Variants in AKAP13 observed in about 807,000 individuals in gnomAD.
AKAP13 encodes A-kinase anchor protein 13.
AKAP13 carries 80 observed loss-of-function variants against 264.5 expected under a neutral mutation model. The ratio of observed to expected loss-of-function variants is 0.30; its 90% CI spans 0.25 to 0.36. The LOEUF (loss-of-function observed/expected upper bound fraction) is 0.36, where lower values mean the gene tolerates loss of function less well. Among genes scored for constraint, AKAP13 ranks in the 10% least tolerant of loss-of-function variants. The probability of loss-of-function intolerance (pLI) is 1.00; values close to 1 mark genes in which losing one functional copy is unlikely to be tolerated. For missense variants in AKAP13, 3,712 were observed against 3,435.2 expected, an observed-to-expected ratio of 1.08 and a Z score of -2.01; for synonymous variants, 1,380 against 1,250.2, an observed-to-expected ratio of 1.10 and a Z score of -2.19.
intron 17 of AKAP13, 100 bp downstream of exon 17, chr15:85,693,551 A>G: frequency 6.5e-7 from 1 of 1,538,860 alleles, no homozygotes. Flanking sequence ...TTCCTCATTT[A>G]TGTGGAGAAG....
rs1052699991 is a variant in AKAP13, at chr15:85,741,454, G to T, written c.8017G>T (p.Glu2673Ter). ...ACAGGAGCAGCTGCGCCGGGAGGCA[G>T]AGCGGCTCAGCCAGCGGCAGACAGA... ...REQEQLRREA[E>*]RLSQRQTERD... The change falls in exon 35 of 37, where the codon GAG becomes TAG. Residue 2673 changes from glutamate (E) to a stop codon, truncating the protein, a stop_gained. Transcript: ENST00000394518. LOFTEE classifies it high-confidence loss of function. 6.2e-7 allele frequency: 1 copy of T among 1,606,926 alleles called. No homozygotes were observed.
chr15:85,497,758 T>G (rs1375611522), intron 2 of AKAP13, among the ~76,000 whole-genome samples: 1 of 152,210 alleles, frequency 6.6e-6, no homozygotes, highest in East Asian at 1.9e-4. Context: ...TTTCCATCAT[T>G]GCAGAAAATT....
chr15:85,460,068 C>T (rs1367416256), intron 1 of AKAP13, among the ~76,000 whole-genome samples: 1 of 152,148 alleles, frequency 6.6e-6, no homozygotes, highest in African/African-American at 2.4e-5. Context: ...ATATCAAGGG[C>T]AAAAATTGCT....
At chr15:85,650,798 A>AAAAAAAAAAAAT (rs1227921694) in intron 10 of AKAP13, among the ~76,000 whole-genome samples, 1 of 147,358 alleles carries the variant, frequency 6.8e-6, no homozygotes. Flanking sequence ...AAACAACAAA[A>AAAAAAAAAAAAT]ACTGCAATTG....
chr15:85,452,929 T>C lies in AKAP13; in HGVS notation c.-11-32781T>C, dbSNP rs1004527879. On this transcript the variant is annotated intron_variant, in intron 1 of 36. Coordinates refer to ENST00000394518, the MANE Select transcript of AKAP13 (RefSeq NM_007200.5). ...CTTATTAGTGGTTTTGGCCAAGGGTTGTTTGCTTGATTCCTGGGGGCTCCA... is the reference window on the plus strand; with the variant it reads ...CTTATTAGTGGTTTTGGCCAAGGGTCGTTTGCTTGATTCCTGGGGGCTCCA... Among the ~76,000 whole-genome samples, 12 of 152,122 alleles carry C rather than the reference T, an allele frequency of 7.9e-5. 1 individual carries two copies. Among genetic ancestry groups the C allele is most frequent in the African/African-American group, 2.7e-4 (11 of 41,416 alleles).
intron 3 of AKAP13, among the ~76,000 whole-genome samples, chr15:85,523,640 A>T (rs959435187): frequency 2.0e-5 from 3 of 152,028 alleles, no homozygotes; most frequent in African/African-American, 7.2e-5. Context: ...GAGGACAAGG[A>T]TCTTTGTTTG....
At chr15:85,736,038 AT>A in intron 32 of AKAP13, 51 bp from the exon 33 acceptor site, 1 of 1,390,294 alleles carries the variant, frequency 7.2e-7, no homozygotes, top group Middle Eastern at 1.8e-4. Context: ...ACTGAATGTC[AT>A]TTTTGCATCA....
intron 1 of AKAP13, among the ~76,000 whole-genome samples, chr15:85,387,776 T>C (rs1012193230): frequency 2.6e-5 from 4 of 152,200 alleles, no homozygotes; most frequent in Admixed American, 1.3e-4. Context: ...ATCTTGCATG[T>C]GTTTTGTAAT....
chr15:85,514,552 G>A lies in AKAP13; in HGVS notation c.34-6876G>A, dbSNP rs1385516054. 2.2e-5 allele frequency among the ~76,000 whole-genome samples: 3 copies of A among 137,820 alleles called. 1 individual carries two copies. The highest frequency in any genetic ancestry group is 4.6e-5 in the Non-Finnish European group (3 of 64,596). The allele number at this position is 137,820 out of a possible 152,430, so 90.4% of individuals were successfully genotyped here. A position where few individuals can be genotyped will look rare whatever the true frequency, so the allele number is the denominator to read the frequency against. ...ACTCGGTTCTTTTTATTGGAGAATG[G>A]TATTAGTGACCAATGCCTGTACACT... On this transcript the variant is annotated intron_variant, in intron 2 of 36. Transcript: ENST00000394518.
chr15:85,506,860 G>T (rs2076240644), intron 2 of AKAP13, among the ~76,000 whole-genome samples: 1 of 152,162 alleles, frequency 6.6e-6, no homozygotes, highest in South Asian at 2.1e-4. Flanking sequence ...ACTGCTTTAT[G>T]CCCATGTTCC....
intron 1 of AKAP13, among the ~76,000 whole-genome samples, chr15:85,383,839 T>C (rs1420219577): frequency 6.6e-6 from 1 of 152,236 alleles, no homozygotes; most frequent in Admixed American, 6.5e-5. Context: ...TAAGTGTGGA[T>C]TGTGTCTGTA....
chr15:85,388,566 T>C (rs1056511055), intron 1 of AKAP13, among the ~76,000 whole-genome samples: 17 of 152,180 alleles, frequency 1.1e-4, no homozygotes, highest in Admixed American at 9.2e-4. Context: ...AGAGTTTTTA[T>C]CATGAATAGA....
intron 25 of AKAP13, 92 bp from the exon 26 acceptor site, chr15:85,722,980 A>C: frequency 6.7e-7 from 1 of 1,501,022 alleles, no homozygotes; most frequent in Non-Finnish European, 9.0e-7. Context: ...CACAAAGGGA[A>C]AAGATGATAT....
intron 14 of AKAP13, among the ~76,000 whole-genome samples, chr15:85,680,199 A>C (rs1026765346): frequency 1.1e-4 from 16 of 152,212 alleles, no homozygotes; most frequent in African/African-American, 3.6e-4. Context: ...AATTGCTTAA[A>C]TGTATAGTAG....
In AKAP13 at chr15:85,469,941, A is replaced by G. The variant is rs1596280069; in HGVS notation, c.-11-15769A>G. 2.0e-5 allele frequency among the ~76,000 whole-genome samples: 3 copies of G among 152,174 alleles called. No individual in the cohort carries two copies. In the East Asian group the frequency reaches 5.8e-4, roughly 29 times the overall value. The stretch of plus-strand genomic sequence containing the variant: ...TTTTCTCAACCTCTCGCTACATGGG[A>G]AAGGCAGCCTTCAATAATCTCTCTT... On this transcript the variant is annotated intron_variant, in intron 1 of 36. Coordinates refer to ENST00000394518, the MANE Select transcript of AKAP13 (RefSeq NM_007200.5).
rs1314136631 is a variant in AKAP13, at chr15:85,741,087, A to G, written c.7650A>G (p.Lys2550=). 6.2e-7 allele frequency: 1 copy of G among 1,613,396 alleles called. No individual in the cohort carries two copies. The highest frequency in any genetic ancestry group is 1.7e-5 in the Admixed American group (1 of 59,992). ...LQQDSYIEDQ[K]LVLSERALTR... is the part of the protein sequence containing the mutation. The stretch of plus-strand genomic sequence containing the variant: ...AGGACAGCTACATTGAGGACCAGAA[A>G]CTGGTGCTGAGCGAGAGGGCGCTCA... Residue 2550 remains lysine (K), a synonymous_variant, in exon 35 of 37, where the codon AAA becomes AAG. Coordinates refer to ENST00000394518, the MANE Select transcript of AKAP13 (RefSeq NM_007200.5).
chr15:85,706,719 G>C (rs1414036979), intron 17 of AKAP13, among the ~76,000 whole-genome samples: 1 of 152,210 alleles, frequency 6.6e-6, no homozygotes, highest in African/African-American at 2.4e-5. Context: ...TAGGCACTAT[G>C]CTGGAGAGTC....
At chr15:85,447,380 A>T (rs967080009) in intron 1 of AKAP13, among the ~76,000 whole-genome samples, 3 of 151,566 alleles carry the variant, frequency 2.0e-5, no homozygotes, top group Admixed American at 1.3e-4. Context: ...TTAAAAAAAA[A>T]TTTTATTTTA....
intron 8 of AKAP13, chr15:85,635,080 T>G (rs1343549038): frequency 2.5e-6 from 1 of 398,142 alleles, no homozygotes; most frequent in Non-Finnish European, 4.4e-6. Flanking sequence ...TCTTCTTCGG[T>G]AAATGAATGG....
Sources: gnomAD v4.1 joint callset for allele counts (sites outside exome capture counted in the v4.1 genomes callset) on GRCh38, gnomAD v4.1.1 for gene constraint, MANE v1.5 for transcripts, NCBI Gene and HGNC (gene_info 2026-07-23, HGNC 2026-07-21) for gene names.